Variants in TCF12 observed in about 807,000 individuals in gnomAD.
TCF12 encodes the protein transcription factor 12, also known as DNA-binding protein HTF4.
A neutral mutation model predicts 86.0 loss-of-function variants in TCF12; 45 were observed. The observed-to-expected ratio is 0.52, with a 90% confidence interval of 0.41 to 0.67. The LOEUF is 0.67. TCF12 is among the 30% of genes least tolerant of loss of function. TCF12 has a pLI of 0.00. For synonymous variants in TCF12, 330 were observed against 299.6 expected, an observed-to-expected ratio of 1.10 and a Z score of -1.05; for missense variants, 881 against 859.9, an observed-to-expected ratio of 1.02 and a Z score of -0.31.
chr15:57,032,593 T>C (rs1206958788), intron 3 of TCF12, among the ~76,000 whole-genome samples: 1 of 152,128 alleles, frequency 6.6e-6, no homozygotes, highest in Admixed American at 6.6e-5. Flanking sequence ...TACAGGCATA[T>C]GCCACCATGC....
At position 56,932,070 on chromosome 15, in the gene TCF12, G is replaced by A. The variant is rs147691961; in HGVS notation, c.148+10972G>A. On this transcript the variant is annotated intron_variant, in intron 3 of 20. Transcript: ENST00000333725. ...CTCAAGCTTAGGAACAGTGCCTGTA[G>A]CGAGCAGACTCTATTCTCACTGAGT... Among the ~76,000 whole-genome samples the A allele has an allele frequency of 3.3e-3, 499 of 152,262 alleles. 3 individuals carry two copies. Among genetic ancestry groups the A allele is most frequent in the South Asian group, 0.03 (145 of 4,822 alleles).
At chr15:56,986,961 A>G (rs1194056776) in intron 3 of TCF12, among the ~76,000 whole-genome samples, 2 of 152,216 alleles carry the variant, frequency 1.3e-5, no homozygotes, top group Admixed American at 6.5e-5. Context: ...TTTATTGAAG[A>G]TCTTTGGCTG....
At chr15:57,274,785 A>T (rs2061304028) in intron 19 of TCF12, among the ~76,000 whole-genome samples, 1 of 152,222 alleles carries the variant, frequency 6.6e-6, no homozygotes, top group Non-Finnish European at 1.5e-5. Context: ...GGTCAACAGG[A>T]GTACCAGAAT....
Position 57,273,011 on chromosome 15 carries a change from T to G in TCF12, c.1746-19T>G, listed in dbSNP as rs548082967. ...TTTATAGGAAACCTAATAGACCTTG[T>G]TGTTACTTTATTTTCTAGCAGTACT... On this transcript the variant is annotated intron_variant, in intron 18 of 20. Transcript: ENST00000333725. 3.7e-6 allele frequency: 6 copies of G among 1,608,912 alleles called. No individual in the cohort carries two copies. The highest frequency in any genetic ancestry group is 5.1e-6 in the Non-Finnish European group (6 of 1,176,076).
At chr15:57,103,825 T>G (rs146003483) in intron 5 of TCF12, among the ~76,000 whole-genome samples, 126 of 152,128 alleles carry the variant, frequency 8.3e-4, no homozygotes, top group African/African-American at 2.8e-3. Flanking sequence ...GCTAACATGG[T>G]AAAACCTGGT....
At chr15:57,103,000 G>T (rs531272260) in intron 5 of TCF12, among the ~76,000 whole-genome samples, 3 of 152,346 alleles carry the variant, frequency 2.0e-5, no homozygotes, top group African/African-American at 7.2e-5. Flanking sequence ...AGGTGTGGCA[G>T]TTGGGCAGTC....
At chr15:56,968,525 T>A (rs1442054551) in intron 3 of TCF12, among the ~76,000 whole-genome samples, 1 of 152,156 alleles carries the variant, frequency 6.6e-6, no homozygotes, top group Non-Finnish European at 1.5e-5. Context: ...CCTGGCCTCA[T>A]ATCACTTTTA....
At chr15:57,008,986 A>G (rs1016817876) in intron 3 of TCF12, among the ~76,000 whole-genome samples, 6 of 152,230 alleles carry the variant, frequency 3.9e-5, no homozygotes, top group Non-Finnish European at 7.3e-5. Flanking sequence ...GCACATGGTT[A>G]TAATAATGAC....
chr15:57,134,658 A>G (rs1792743073), intron 5 of TCF12, among the ~76,000 whole-genome samples: 1 of 152,232 alleles, frequency 6.6e-6, no homozygotes, highest in South Asian at 2.1e-4. Flanking sequence ...GAAAATTCAA[A>G]TCATTCATTA....
At chr15:57,072,893 A>T (rs1159078006) in intron 4 of TCF12, among the ~76,000 whole-genome samples, 2 of 152,326 alleles carry the variant, frequency 1.3e-5, no homozygotes, top group African/African-American at 4.8e-5. Context: ...TTCTGTTTGA[A>T]ACAGCACCTG....
At chr15:57,152,384 G>A (rs1366210899) in intron 5 of TCF12, among the ~76,000 whole-genome samples, 1 of 152,044 alleles carries the variant, frequency 6.6e-6, no homozygotes, top group Admixed American at 6.5e-5. Context: ...ACAAAACAAG[G>A]CTCAGAGGTG....
chr15:57,091,411 T>A (rs1462029456), intron 4 of TCF12, among the ~76,000 whole-genome samples: 2 of 152,206 alleles, frequency 1.3e-5, no homozygotes, highest in African/African-American at 4.8e-5. Flanking sequence ...TTAATTTATT[T>A]TAAAAAATCC....
At position 57,001,011 on chromosome 15, in the gene TCF12, A is replaced by AG. The variant is rs1437384791; in HGVS notation, c.149-62739_149-62738insG. ...TTTAAATTTTTAAAAATTTAAAAAA[A>AG]ATTTTTTTTTTTTTTTTTTTGAGAC... is the stretch of plus-strand genomic sequence containing the variant. On this transcript the variant is annotated intron_variant, in intron 3 of 20. Coordinates refer to ENST00000333725, the MANE Select transcript of TCF12 (RefSeq NM_207037.2). 2.7e-3 allele frequency among the ~76,000 whole-genome samples: 365 copies of AG among 134,412 alleles called. 1 individual carries two copies. The highest frequency in any genetic ancestry group is 4.5e-3 in the Non-Finnish European group (269 of 60,176). The allele number at this position is 134,412 out of a possible 152,430, so 88.2% of individuals were successfully genotyped here. A position where few individuals can be genotyped will look rare whatever the true frequency, so the allele number is the denominator to read the frequency against.
intron 3 of TCF12, among the ~76,000 whole-genome samples, chr15:57,003,314 T>A (rs1437312693): frequency 6.6e-6 from 1 of 152,204 alleles, no homozygotes; most frequent in Non-Finnish European, 1.5e-5. Context: ...AGCATTTTTG[T>A]TAACTGATCA....
chr15:57,187,175 C>A (rs1380966473), intron 6 of TCF12, among the ~76,000 whole-genome samples: 2 of 141,234 alleles, frequency 1.4e-5, no homozygotes. Flanking sequence ...AGACTGTCTC[C>A]AAAAAAAAAA....
chr15:57,064,468 C>G (rs2068698420), intron 4 of TCF12, among the ~76,000 whole-genome samples: 1 of 152,090 alleles, frequency 6.6e-6, no homozygotes, highest in Admixed American at 6.6e-5. Context: ...ACTCTGCTCC[C>G]AGACTTTCTC....
chr15:57,114,381 C>T (rs1402110760), intron 5 of TCF12, among the ~76,000 whole-genome samples: 2 of 152,144 alleles, frequency 1.3e-5, no homozygotes, highest in African/African-American at 4.8e-5. Flanking sequence ...GCCTTGGCCT[C>T]CTGCGCTCAA....
intron 5 of TCF12, among the ~76,000 whole-genome samples, chr15:57,160,673 TG>T (rs554086017): frequency 6.6e-6 from 1 of 151,934 alleles, no homozygotes; most frequent in Non-Finnish European, 1.5e-5. Flanking sequence ...GTAGAGCTTG[TG>T]GGGGTTTTTT....
chr15:57,256,748 C>T (rs886536928), intron 16 of TCF12, among the ~76,000 whole-genome samples: 1 of 152,126 alleles, frequency 6.6e-6, no homozygotes, highest in Non-Finnish European at 1.5e-5. Flanking sequence ...TTCATGAGGT[C>T]AGCTTCTTTC....
Sources: gnomAD v4.1 joint callset for allele counts (sites outside exome capture counted in the v4.1 genomes callset) on GRCh38, gnomAD v4.1.1 for gene constraint, MANE v1.5 for transcripts, NCBI Gene and HGNC (gene_info 2026-07-23, HGNC 2026-07-21) for gene names.